Variants in ZNF85 observed in about 807,000 individuals in gnomAD.
ZNF85 encodes the protein zinc finger protein 85.
ZNF85 carries 50 observed loss-of-function variants against 53.9 expected under a neutral mutation model. The ratio of observed to expected loss-of-function variants is 0.93; its 90% CI spans 0.74 to 1.17. ZNF85 has a LOEUF of 1.17. ZNF85 is among the 50% of genes most tolerant of loss of function. The probability of loss-of-function intolerance (pLI) is 0.00; values close to 1 mark genes in which losing one functional copy is unlikely to be tolerated. For missense variants in ZNF85, 747 were observed against 688.5 expected, an observed-to-expected ratio of 1.08 and a Z score of -0.95; for synonymous variants, 225 against 226.1, an observed-to-expected ratio of 1.00 and a Z score of 0.04.
intron 1 of ZNF85, among the ~76,000 whole-genome samples, chr19:20,930,120 CAAAAAAAAAAAA>C (rs57832039): frequency 1.3e-5 from 1 of 79,262 alleles, no homozygotes; most frequent in African/African-American, 4.9e-5. Context: ...GACTCCGTCC[CAAAAAAAAAAAA>C]AAAAAAAAAA....
chr19:20,934,372 G>C (rs113183267), intron 2 of ZNF85, among the ~76,000 whole-genome samples: 1,802 of 152,176 alleles, frequency 0.012, 32 homozygotes, highest in African/African-American at 0.034. Context: ...ATCCTTCACT[G>C]TAGATTACTA....
intron 3 of ZNF85, among the ~76,000 whole-genome samples, chr19:20,937,728 G>A (rs1266461426): frequency 6.6e-6 from 1 of 152,084 alleles, no homozygotes; most frequent in East Asian, 1.9e-4. Flanking sequence ...TAGGGAGCTG[G>A]AACTGAGTCA....
intron 3 of ZNF85, 45 bp downstream of exon 3, chr19:20,935,092 TCCAAAGG>T (rs1973126809): frequency 7.5e-7 from 1 of 1,334,112 alleles, no homozygotes; most frequent in Admixed American, 2.0e-5. Flanking sequence ...ACATGAGAGG[TCCAAAGG>T]CCAAAGAGAA....
intron 3 of ZNF85, chr19:20,937,262 C>T (rs1466891987): frequency 2.2e-6 from 1 of 450,260 alleles, no homozygotes. Flanking sequence ...AAACTCCTGA[C>T]CTCGTGATCC....
rs770166931 is a variant in ZNF85 at position 20,949,279 on chromosome 19, GA to G, written c.768del (p.Lys256AsnfsTer23). ...AACATAAGAAAATTCATACTGGAGA[GA>G]AACCCTACAAATGTGAAGAATGTGG... ...IKHKKIHTGE[K>X]PYKCEECGKT... is the part of the protein sequence containing the mutation. On this transcript the variant is annotated frameshift_variant, in exon 4 of 4. Transcript: ENST00000328178. LOFTEE classifies it high-confidence loss of function. The G allele has an allele frequency of 6.2e-7, 1 of 1,612,786 alleles. No individual in the cohort carries two copies. Among genetic ancestry groups the G allele is most frequent in the Admixed American group, 1.7e-5 (1 of 59,984 alleles).
At chr19:20,941,524 A>G (rs10409736) in intron 3 of ZNF85, among the ~76,000 whole-genome samples, 2,072 of 151,634 alleles carry the variant, frequency 0.014, 41 homozygotes, top group African/African-American at 0.047. Flanking sequence ...CAGCCTCTCA[A>G]AGTGCTGGGA....
At chr19:20,947,530 A>G (rs1973453017) in intron 3 of ZNF85, among the ~76,000 whole-genome samples, 1 of 103,644 alleles carries the variant, frequency 9.6e-6, no homozygotes, top group Non-Finnish European at 1.8e-5. Context: ...TAATTTCAGG[A>G]CTATTACAAT....
At chr19:20,936,228 A>G (rs1973155341) in intron 3 of ZNF85, among the ~76,000 whole-genome samples, 1 of 151,976 alleles carries the variant, frequency 6.6e-6, no homozygotes, top group Non-Finnish European at 1.5e-5. Flanking sequence ...TATATATAAG[A>G]TTATATGATC....
intron 1 of ZNF85, among the ~76,000 whole-genome samples, chr19:20,931,620 C>CTTTTTTTTTTTTT (rs1156835317): frequency 5.5e-4 from 66 of 119,408 alleles, no homozygotes; most frequent in African/African-American, 1.4e-3. Context: ...TTTTCTTTTT[C>CTTTTTTTTTTTTT]TTTTTTTTTT....
Position 20,934,035 on chromosome 19 carries a change from A to G in ZNF85, c.15A>G (p.Thr5=), listed in dbSNP as rs779028757. MGPL[T]FRDVAIEFSL... ...TGTGTATCTTTCAGGGACCATTGAC[A>G]TTTAGGGATGTGGCCATAGAATTCT... The change falls in exon 2 of 4, where the codon ACA becomes ACG. Residue 5 remains threonine (T), a synonymous_variant. Coordinates refer to ENST00000328178, the MANE Select transcript of ZNF85 (RefSeq NM_003429.5). 1.9e-6 allele frequency: 3 copies of G among 1,610,840 alleles called. No individual in the cohort carries two copies. The highest frequency in any genetic ancestry group is 2.2e-5 in the South Asian group (2 of 91,012).
chr19:20,923,484 C>A, intron 1 of ZNF85, 81 bp downstream of exon 1: 2 of 1,605,578 alleles, frequency 1.2e-6, no homozygotes, highest in Non-Finnish European at 1.7e-6. Context: ...GGGACTCAGG[C>A]CTCCCTGTAG....
At chr19:20,939,553 A>G (rs113052088) in intron 3 of ZNF85, among the ~76,000 whole-genome samples, 1,810 of 151,628 alleles carry the variant, frequency 0.012, 34 homozygotes, top group African/African-American at 0.035. Flanking sequence ...ACTCCCAGGT[A>G]GTGTAGGTTT....
chr19:20,943,789 T>G (rs562280643), intron 3 of ZNF85: 1 of 152,298 alleles, frequency 6.6e-6, no homozygotes, highest in South Asian at 2.1e-4. Context: ...TATATACATA[T>G]ACACATAAAT....
intron 1 of ZNF85, among the ~76,000 whole-genome samples, chr19:20,931,121 G>A (rs1973007448): frequency 6.6e-6 from 1 of 152,176 alleles, no homozygotes; most frequent in Non-Finnish European, 1.5e-5. Context: ...GTTGTGACAA[G>A]AGTGCTGAGT....
At chr19:20,946,570 GCA>G (rs74172383) in intron 3 of ZNF85, among the ~76,000 whole-genome samples, 41 of 144,758 alleles carry the variant, frequency 2.8e-4, no homozygotes, top group Non-Finnish European at 3.2e-4. Flanking sequence ...ATATACACAT[GCA>G]CACACACACA....
chr19:20,936,076 A>G lies in ZNF85; in HGVS notation c.229+1029A>G, dbSNP rs559275207. 6.6e-5 allele frequency among the ~76,000 whole-genome samples: 10 copies of G among 152,240 alleles called. No individual in the cohort carries two copies. The South Asian group carries it at 2.1e-3, about 32-fold the overall frequency. On this transcript the variant is annotated intron_variant, in intron 3 of 3. Coordinates refer to ENST00000328178, the MANE Select transcript of ZNF85 (RefSeq NM_003429.5). ...ATTTATTATTTTGATGCTATTATAA[A>G]TAAGATTGTTTTCTTTATCAGATAG...
In ZNF85 at chr19:20,949,846, TAAG is replaced by T. The variant is rs1002358991; in HGVS notation, c.1335_1337del (p.Lys446del). The stretch of plus-strand genomic sequence containing the variant: ...ACCAATCCTCAAAACTTACTGAACA[TAAG>T]AAAATTCATACTGGAGAGAAACCCT... On this transcript the variant is annotated inframe_deletion, in exon 4 of 4. Coordinates refer to ENST00000328178, the MANE Select transcript of ZNF85 (RefSeq NM_003429.5). 7 of 1,612,396 alleles carry T rather than the reference TAAG, an allele frequency of 4.3e-6. No individual in the cohort carries two copies. The African/African-American group carries it at 9.4e-5, about 22-fold the overall frequency.
chr19:20,946,437 CTT>C, intron 3 of ZNF85: 2 of 300,548 alleles, frequency 6.7e-6, no homozygotes, highest in Non-Finnish European at 1.3e-5. Flanking sequence ...TTCTAATATT[CTT>C]TTTTTTTATT....
chr19:20,945,930 G>A (rs980927880), intron 3 of ZNF85, among the ~76,000 whole-genome samples: 10 of 152,078 alleles, frequency 6.6e-5, no homozygotes, highest in Non-Finnish European at 1.2e-4. Flanking sequence ...TGTACATTAC[G>A]TATGTACTGC....
Sources: gnomAD v4.1 joint callset for allele counts (sites outside exome capture counted in the v4.1 genomes callset) on GRCh38, gnomAD v4.1.1 for gene constraint, MANE v1.5 for transcripts, NCBI Gene and HGNC (gene_info 2026-07-23, HGNC 2026-07-21) for gene names.